ADAM18: variants seen among roughly 807,000 people sequenced by gnomAD.
The protein encoded by ADAM18 is ADAM metallopeptidase domain 18.
A neutral mutation model predicts 94.4 loss-of-function variants in ADAM18; 117 were observed. The ratio of observed to expected loss-of-function variants is 1.24; its 90% confidence interval spans 1.07 to 1.45. The LOEUF (loss-of-function observed/expected upper bound fraction) is 1.45. Ranked by LOEUF, ADAM18 falls within the 40% of genes most tolerant of loss-of-function variation. The probability of loss-of-function intolerance (pLI) is 0.00; values close to 1 mark genes in which losing one functional copy is unlikely to be tolerated. For missense variants in ADAM18, 936 were observed against 880.0 expected (o/e 1.06, Z -0.81); for synonymous variants, 327 against 291.6 (o/e 1.12, Z -1.24).
chr8:39,679,033 C>T (rs755766044), intron 15 of ADAM18, among the ~76,000 whole-genome samples: 1 of 152,008 alleles, frequency 6.6e-6, no homozygotes, highest in Non-Finnish European at 1.5e-5. Context: ...GAGAGTGGAA[C>T]CAAAATCAAA....
chr8:39,703,574 A>G (rs1305797530), intron 17 of ADAM18, among the ~76,000 whole-genome samples: 1 of 152,100 alleles, frequency 6.6e-6, no homozygotes, highest in South Asian at 2.1e-4. Flanking sequence ...TCAAGGGGAA[A>G]TGCTTCCAGC....
intron 2 of ADAM18, among the ~76,000 whole-genome samples, chr8:39,596,005 C>T (rs1452844699): frequency 6.6e-6 from 1 of 152,080 alleles, no homozygotes; most frequent in Non-Finnish European, 1.5e-5. Context: ...TGATCTTATC[C>T]ATTTTTAATT....
intron 12 of ADAM18, among the ~76,000 whole-genome samples, chr8:39,659,279 A>G (rs1820768360): frequency 6.6e-6 from 1 of 151,958 alleles, no homozygotes; most frequent in South Asian, 2.1e-4. Flanking sequence ...TAGCTAAAAT[A>G]ATTGATTGGA....
At chr8:39,593,220 G>A (rs1035079503) in intron 2 of ADAM18, among the ~76,000 whole-genome samples, 1 of 152,094 alleles carries the variant, frequency 6.6e-6, no homozygotes, top group African/African-American at 2.4e-5. Context: ...CTATCCAGAC[G>A]ATGAAACCTT....
chr8:39,634,273 C>T (rs922366343), intron 7 of ADAM18, among the ~76,000 whole-genome samples: 1 of 152,134 alleles, frequency 6.6e-6, no homozygotes, highest in African/African-American at 2.4e-5. Context: ...AGTGCAAGAG[C>T]TGTGGTGGCA....
At chr8:39,645,667 GCA>G (rs1820358028) in intron 11 of ADAM18, among the ~76,000 whole-genome samples, 193 bp downstream of exon 11, 1 of 152,036 alleles carries the variant, frequency 6.6e-6, no homozygotes, top group African/African-American at 2.4e-5. Flanking sequence ...CTTTGTCTGT[GCA>G]CACACATACA....
rs192135992 is a variant in ADAM18, at chr8:39,729,508, C to T, written c.2178-390C>T. On this transcript the variant is annotated intron_variant, in intron 19 of 19. Coordinates refer to ENST00000265707, the MANE Select transcript of ADAM18 (RefSeq NM_014237.3). ...TAAAGACTAACCTTTTATTTTGTCT[C>T]CCTAAGCTGTAGGTTTTTCTAAGAA... Among the ~76,000 whole-genome samples the T allele has an allele frequency of 1.9e-3, 291 of 152,096 alleles. 1 individual carries two copies. The highest frequency in any genetic ancestry group is 6.5e-3 in the African/African-American group (268 of 41,504).
In ADAM18 at chr8:39,729,042, T is replaced by A. The variant is rs190584814; in HGVS notation, c.2178-856T>A. The stretch of plus-strand genomic sequence containing the variant: ...TAGGATTGTTATTTTCTGCTTTTTT[T>A]AAAAAACATATTGGCCATCCTAATG... On this transcript the variant is annotated intron_variant, in intron 19 of 19. Coordinates refer to ENST00000265707, the MANE Select transcript of ADAM18 (RefSeq NM_014237.3). Among the ~76,000 whole-genome samples, 759 of 152,294 alleles carry A rather than the reference T, an allele frequency of 5.0e-3. 3 individuals are homozygous for A. Among genetic ancestry groups the A allele is most frequent in the African/African-American group, 0.017 (691 of 41,558 alleles).
At chr8:39,598,867 C>T (rs541649765) in intron 2 of ADAM18, among the ~76,000 whole-genome samples, 8 of 151,788 alleles carry the variant, frequency 5.3e-5, no homozygotes, top group Non-Finnish European at 8.8e-5. Flanking sequence ...GCTGGAGTGC[C>T]GTGGTGCGAT....
intron 2 of ADAM18, among the ~76,000 whole-genome samples, chr8:39,586,614 C>A (rs1327884865): frequency 6.6e-6 from 1 of 152,082 alleles, no homozygotes; most frequent in Non-Finnish European, 1.5e-5. Flanking sequence ...GTAGTCCCAG[C>A]TGTTCTGGAG....
chr8:39,651,898 AAC>A (rs1053619576), intron 12 of ADAM18, among the ~76,000 whole-genome samples: 7 of 152,054 alleles, frequency 4.6e-5, no homozygotes, highest in African/African-American at 1.7e-4. Context: ...ATGACATAAA[AAC>A]ACATAGATCA....
intron 10 of ADAM18, among the ~76,000 whole-genome samples, chr8:39,644,698 C>T (rs2060802): frequency 0.6 from 91,241 of 151,944 alleles, 28,252 homozygotes; most frequent in Non-Finnish European, 0.68. Context: ...GCCCCCTATA[C>T]GTATACATAA....
chr8:39,618,412 C>G (rs1436539087), intron 6 of ADAM18, among the ~76,000 whole-genome samples: 1 of 152,272 alleles, frequency 6.6e-6, no homozygotes, highest in East Asian at 1.9e-4. Flanking sequence ...AATTCTTTAA[C>G]ATAACATCTG....
chr8:39,630,947 T>C (rs1005036532), intron 7 of ADAM18, among the ~76,000 whole-genome samples: 3 of 152,044 alleles, frequency 2.0e-5, no homozygotes, highest in Admixed American at 6.6e-5. Context: ...TGATATCATA[T>C]GGTGGTTTTT....
At chr8:39,638,704 C>T (rs944641450) in intron 10 of ADAM18, among the ~76,000 whole-genome samples, 158 bp downstream of exon 10, 3 of 151,726 alleles carry the variant, frequency 2.0e-5, no homozygotes, top group Non-Finnish European at 4.4e-5. Flanking sequence ...AATAGAATCT[C>T]AGAAAGTTTA....
chr8:39,648,415 A>G lies in ADAM18; in HGVS notation c.1118A>G (p.Glu373Gly). Residue 373 changes from glutamate (E) to glycine (G), a missense_variant, in exon 12 of 20, where the codon GAG (glutamate) becomes GGG (glycine). Physicochemically the swap from Glu to Gly is moderately conservative, Grantham distance 98. Transcript: ENST00000265707. ...TATAGATATTTTGTTTCAAAATTTGAGACTAAATGCCTTCAGAAGCTTTCA... is the reference window on the plus strand; with the variant it reads ...TATAGATATTTTGTTTCAAAATTTGGGACTAAATGCCTTCAGAAGCTTTCA... The part of the protein sequence containing the change: ...HDYRYFVSKF[E>G]TKCLQKLSNL... 1.2e-6 allele frequency: 2 copies of G among 1,613,184 alleles called. No individual in the cohort carries two copies. The highest frequency in any genetic ancestry group is 1.7e-4 in the Middle Eastern group (1 of 6,052).
chr8:39,599,391 C>G (rs1818837125), intron 2 of ADAM18, among the ~76,000 whole-genome samples: 3 of 151,896 alleles, frequency 2.0e-5, no homozygotes, highest in Admixed American at 2.0e-4. Flanking sequence ...AGAAGTATTC[C>G]CTGTGCTTCT....
At chr8:39,628,187 G>T (rs1359849566) in intron 6 of ADAM18, among the ~76,000 whole-genome samples, 1 of 151,566 alleles carries the variant, frequency 6.6e-6, no homozygotes, top group East Asian at 1.9e-4. Context: ...AAGTTGTATG[G>T]TCATGCAATA....
intron 17 of ADAM18, among the ~76,000 whole-genome samples, chr8:39,698,854 C>T (rs1821992767): frequency 6.6e-6 from 1 of 151,990 alleles, no homozygotes; most frequent in African/African-American, 2.4e-5. Flanking sequence ...GTGTAAGTAT[C>T]TAAATCTTTC....
Sources: gnomAD v4.1 joint callset for allele counts (sites outside exome capture counted in the v4.1 genomes callset) on GRCh38, gnomAD v4.1.1 for gene constraint, MANE v1.5 for transcripts, NCBI Gene and HGNC (gene_info 2026-07-23, HGNC 2026-07-21) for gene names.